The following MCPH1 variants were observed in gnomAD, a reference collection of about 807,000 sequenced individuals.
The protein encoded by MCPH1 is microcephalin.
In MCPH1, 104 loss-of-function variants were observed where a neutral mutation model predicts 84.5. The ratio of observed to expected loss-of-function variants is 1.23; its 90% CI spans 1.05 to 1.45. MCPH1 has a LOEUF of 1.45. Ranked by LOEUF, MCPH1 falls within the 40% of genes most tolerant of loss-of-function variation. The pLI is 0.00. For missense variants in MCPH1, 1,498 were observed against 1,005.7 expected, an observed-to-expected ratio of 1.49 and a Z score of -6.62; for synonymous variants, 514 against 366.8, an observed-to-expected ratio of 1.40 and a Z score of -4.58.
intron 9 of MCPH1, among the ~76,000 whole-genome samples, chr8:6,475,133 G>A (rs1001102611): frequency 2.0e-5 from 3 of 152,174 alleles, no homozygotes; most frequent in East Asian, 1.9e-4. Context: ...TTCTCACTTG[G>A]TAAGACCATC....
chr8:6,474,101 C>A (rs891439888), intron 9 of MCPH1: 1 of 770,518 alleles, frequency 1.3e-6, no homozygotes, highest in East Asian at 2.4e-5. Context: ...GTGAAACCAG[C>A]GTTCAGGGAA....
intron 13 of MCPH1, among the ~76,000 whole-genome samples, chr8:6,642,088 C>T (rs1056516179): frequency 2.6e-5 from 4 of 151,962 alleles, no homozygotes; most frequent in African/African-American, 9.7e-5. Context: ...CTTTTTTGTA[C>T]CATACCACCA....
At chr8:6,455,779 T>TA (rs1341491113) in intron 9 of MCPH1, among the ~76,000 whole-genome samples, 1 of 152,252 alleles carries the variant, frequency 6.6e-6, no homozygotes, top group Non-Finnish European at 1.5e-5. Flanking sequence ...TAAATGTTTT[T>TA]ATCATTCAAT....
intron 9 of MCPH1, among the ~76,000 whole-genome samples, chr8:6,469,320 A>C (rs1585952388): frequency 6.6e-6 from 1 of 152,362 alleles, no homozygotes; most frequent in East Asian, 1.9e-4. Flanking sequence ...TATTGTATTT[A>C]ATAAGCTACT....
chr8:6,417,500 C>T (rs1448917263), intron 3 of MCPH1, among the ~76,000 whole-genome samples: 1 of 152,174 alleles, frequency 6.6e-6, no homozygotes, highest in East Asian at 1.9e-4. Context: ...TGCTCTCCTT[C>T]TTCTTCATTA....
At chr8:6,540,506 G>A (rs1022753906) in intron 12 of MCPH1, among the ~76,000 whole-genome samples, 3 of 152,190 alleles carry the variant, frequency 2.0e-5, no homozygotes, top group Admixed American at 6.5e-5. Context: ...GTCTGTGAGC[G>A]TGCAGCCTCA....
chr8:6,500,782 A>C (rs1337070389), intron 12 of MCPH1: 1 of 152,238 alleles, frequency 6.6e-6, no homozygotes, highest in Non-Finnish European at 1.5e-5. Flanking sequence ...TTGAAGTGTA[A>C]AGTAAAAACA....
rs559103836 is a variant in MCPH1 at position 6,482,638 on chromosome 8, C to T, written c.2136+1762C>T. On this transcript the variant is annotated intron_variant, in intron 11 of 13. Transcript: ENST00000344683. Reference sequence around the variant, plus strand: ...CTTGGAGCAGTCCATAGAGGTCAGACGTGAGAACGTACTGCCTTTGCTGTC... The same window carrying T: ...CTTGGAGCAGTCCATAGAGGTCAGATGTGAGAACGTACTGCCTTTGCTGTC... Among the ~76,000 whole-genome samples the T allele has an allele frequency of 3.0e-4, 45 of 152,338 alleles. No individual in the cohort carries two copies. In the South Asian group the frequency reaches 4.6e-3, roughly 15 times the overall value.
chr8:6,640,077 TGTGTGTGTGTGTGTGTGTGTGCGCGCGC>T (rs1343775004), intron 13 of MCPH1, among the ~76,000 whole-genome samples: 21 of 144,144 alleles, frequency 1.5e-4, no homozygotes, highest in Non-Finnish European at 2.5e-4. Flanking sequence ...TGTGTGTGTG[TGTGTGTGTGTGTGTGTGTGTGCGCGCGC>T]GTGTGTGTGT....
chr8:6,575,884 C>A (rs1016654246), intron 12 of MCPH1, among the ~76,000 whole-genome samples: 3 of 152,052 alleles, frequency 2.0e-5, no homozygotes, highest in African/African-American at 7.2e-5. Flanking sequence ...AGCAGAGAGG[C>A]CTGGGACAGA....
intron 11 of MCPH1, among the ~76,000 whole-genome samples, chr8:6,497,065 A>G (rs572550976): frequency 4.6e-5 from 7 of 152,360 alleles, no homozygotes; most frequent in Admixed American, 1.3e-4. Flanking sequence ...AGAAAATACT[A>G]ATAAGCTAAT....
chr8:6,642,211 A>G (rs1563230480), intron 13 of MCPH1, among the ~76,000 whole-genome samples: 1 of 152,174 alleles, frequency 6.6e-6, no homozygotes, highest in South Asian at 2.1e-4. Context: ...TTTAATTGCA[A>G]TTGATTTAAT....
intron 12 of MCPH1, among the ~76,000 whole-genome samples, chr8:6,526,367 G>A (rs1818339833): frequency 6.6e-6 from 1 of 150,420 alleles, no homozygotes; most frequent in Non-Finnish European, 1.5e-5. Context: ...CCAGGAGGTT[G>A]AGGATGCAGT....
intron 12 of MCPH1, among the ~76,000 whole-genome samples, chr8:6,543,408 G>C (rs1376105122): frequency 2.6e-5 from 4 of 152,122 alleles, no homozygotes; most frequent in East Asian, 1.9e-4. Context: ...TCCTGGGTTA[G>C]AGTAAATGGA....
Position 6,480,146 on chromosome 8 carries a change from C to T in MCPH1, c.1974-568C>T, listed in dbSNP as rs190567447. On this transcript the variant is annotated intron_variant, in intron 10 of 13. Coordinates refer to ENST00000344683, the MANE Select transcript of MCPH1 (RefSeq NM_024596.5). ...TTTTTTTCTTTTTTTTTTTTTGAGA[C>T]GGAGTCTCTCCCTGTCGCCCAGGCT... Among the ~76,000 whole-genome samples the T allele has an allele frequency of 1.4e-3, 205 of 145,712 alleles. 2 individuals are homozygous for T. The East Asian group carries it at 0.032, about 23-fold the overall frequency.
At chr8:6,455,006 G>A (rs528917326) in intron 8 of MCPH1, 137 bp from the exon 9 acceptor site, 1 of 693,876 alleles carries the variant, frequency 1.4e-6, no homozygotes, top group Admixed American at 2.4e-5. Context: ...AGATCTCAAA[G>A]AGCCAGATAT....
chr8:6,541,087 TG>T (rs1485917005), intron 12 of MCPH1, among the ~76,000 whole-genome samples: 1 of 152,172 alleles, frequency 6.6e-6, no homozygotes, highest in East Asian at 1.9e-4. Flanking sequence ...TCCCTAGGCA[TG>T]GCCTGGGGGT....
chr8:6,480,163 G>A lies in MCPH1; in HGVS notation c.1974-551G>A, dbSNP rs527963285. 1.8e-4 allele frequency among the ~76,000 whole-genome samples: 25 copies of A among 141,262 alleles called. No homozygotes were observed. In the South Asian group the frequency reaches 3.8e-3, roughly 22 times the overall value. 92.7% of individuals were successfully genotyped at this position (141,262 alleles called of 152,430 possible). A position where few individuals can be genotyped will look rare whatever the true frequency, so the allele number is the denominator to read the frequency against. On this transcript the variant is annotated intron_variant, in intron 10 of 13. Coordinates refer to ENST00000344683, the MANE Select transcript of MCPH1 (RefSeq NM_024596.5). ...TTTTGAGACGGAGTCTCTCCCTGTC[G>A]CCCAGGCTGGAGTGCAGTGACACGA... is the stretch of plus-strand genomic sequence containing the variant.
intron 13 of MCPH1, chr8:6,626,158 C>T (rs887311199): frequency 3.0e-6 from 3 of 985,178 alleles, no homozygotes; most frequent in African/African-American, 3.5e-5. Context: ...TCGACCTCAG[C>T]TCTGAGGTGA....
Sources: allele counts gnomAD v4.1 joint callset (sites outside exome capture counted in the v4.1 genomes callset), GRCh38; gene constraint gnomAD v4.1.1; transcripts MANE v1.5; gene names NCBI Gene and HGNC (gene_info 2026-07-23, HGNC 2026-07-21).